IWS1: variants seen among roughly 807,000 people sequenced by gnomAD.
IWS1 encodes interacts with SUPT6H, CTD assembly factor 1.
Under a neutral mutation model 86.7 loss-of-function variants are expected in IWS1, and 27 were observed. The ratio of observed to expected loss-of-function variants is 0.31; its 90% CI spans 0.23 to 0.43. The LOEUF (loss-of-function observed/expected upper bound fraction) is 0.43, where lower values mean the gene tolerates loss of function less well. Ranked by LOEUF, IWS1 falls within the 20% of genes least tolerant of loss-of-function variation. The probability of loss-of-function intolerance (pLI) is 1.00; values close to 1 mark genes in which losing one functional copy is unlikely to be tolerated. For synonymous variants in IWS1, 313 were observed against 335.1 expected, an observed-to-expected ratio of 0.93 and a Z score of 0.72; for missense variants, 827 against 1,000.8, an observed-to-expected ratio of 0.83 and a Z score of 2.34.
chr2:127,486,884 C>T (rs1689956993), intron 12 of IWS1, among the ~76,000 whole-genome samples: 1 of 152,198 alleles, frequency 6.6e-6, no homozygotes, highest in Non-Finnish European at 1.5e-5. Flanking sequence ...TCTTCCAAAG[C>T]CAACTTGCTC....
intron 2 of IWS1, among the ~76,000 whole-genome samples, chr2:127,512,354 G>C (rs1395772932): frequency 2.0e-5 from 3 of 152,124 alleles, no homozygotes; most frequent in African/African-American, 7.2e-5. Context: ...CCCCTCACTT[G>C]GTGCTCAAAT....
intron 9 of IWS1, 56 bp from the exon 10 acceptor site, chr2:127,492,144 C>G: frequency 9.4e-7 from 1 of 1,069,478 alleles, no homozygotes; most frequent in Non-Finnish European, 1.5e-6. Context: ...GGGGGTCTTG[C>G]TAGTCTATTC....
rs1690089888 is a variant in IWS1, at chr2:127,489,289, GAA to G, written c.2160-56_2160-55del. 7.7e-7 allele frequency: 1 copy of G among 1,304,896 alleles called. No homozygotes were observed. Among genetic ancestry groups the G allele is most frequent in the African/African-American group, 1.5e-5 (1 of 67,564 alleles). The allele number at this position is 1,304,896 out of a possible 1,614,324, so 80.8% of individuals were successfully genotyped here. A position where few individuals can be genotyped will look rare whatever the true frequency, so the allele number is the denominator to read the frequency against. On this transcript the variant is annotated intron_variant, in intron 11 of 13. Transcript: ENST00000295321. This position sits in a 1 kb window ranked among gnomAD's most constrained non-coding sequence, Gnocchi z 4.8. ...AGGAATATTAGAACCTAATAACTCAGAAAAAGAGCAAACTAAAAATCAAACTT... is the reference window on the plus strand; with the variant it reads ...AGGAATATTAGAACCTAATAACTCAGAAAGAGCAAACTAAAAATCAAACTT...
Position 127,499,371 on chromosome 2 carries a change from T to G in IWS1, c.1468-1134A>C, listed in dbSNP as rs1376460658. On this transcript the variant is annotated intron_variant, in intron 5 of 13. Transcript: ENST00000295321. This position sits in a 1 kb window ranked among gnomAD's most constrained non-coding sequence, Gnocchi z 4.0. ...TCCCAAAGTGCTGGGATTACAGGCG[T>G]GAGCCACCGCGCCCGGCCAATTTTT... Among the ~76,000 whole-genome samples, 1 of 152,200 alleles carries G rather than the reference T, an allele frequency of 6.6e-6. No homozygotes were observed. Among genetic ancestry groups the G allele is most frequent in the Admixed American group, 6.5e-5 (1 of 15,282 alleles).
Position 127,523,699 on chromosome 2 carries a change from C to A in IWS1, c.127G>T (p.Gly43Ter). The stretch of plus-strand genomic sequence containing the variant: ...ACCTCTGAATGACGTTCTACACTTC[C>A]AGTGTCTGATCCGGAGTGTTGCTCA... The part of the protein sequence containing the change: ...VNEQHSGSDT[G>*]SVERHSENET... The change falls in exon 2 of 14, where the codon GGA (glycine) becomes TGA (stop). Residue 43 changes from glycine (G) to a stop codon, truncating the protein, a stop_gained. Coordinates refer to ENST00000295321, the MANE Select transcript of IWS1 (RefSeq NM_017969.3). LOFTEE classifies it high-confidence loss of function. 1.2e-6 allele frequency: 2 copies of A among 1,612,910 alleles called. No homozygotes were observed. The highest frequency in any genetic ancestry group is 1.7e-6 in the Non-Finnish European group (2 of 1,179,226).
intron 3 of IWS1, among the ~76,000 whole-genome samples, chr2:127,504,151 T>G (rs192076000): frequency 7.0e-4 from 107 of 152,360 alleles, no homozygotes; most frequent in African/African-American, 2.5e-3. Flanking sequence ...TAATACTATC[T>G]GTGCAAATGG....
In IWS1 at chr2:127,496,060, A is replaced by G; in HGVS notation, c.1654T>C (p.Phe552Leu). 1 of 1,614,028 alleles carries G rather than the reference A, an allele frequency of 6.2e-7. No homozygotes were observed. Among genetic ancestry groups the G allele is most frequent in the Non-Finnish European group, 8.5e-7 (1 of 1,179,990 alleles). ...KRRRNRDGGT[F>L]ISDADDVVSA... Reference sequence around the variant, plus strand: ...ACGACGTCGTCTGCATCACTAATAAAGGTGCCACCATCGCGGTTCCGTCTG... The same window carrying G: ...ACGACGTCGTCTGCATCACTAATAAGGGTGCCACCATCGCGGTTCCGTCTG... Residue 552 changes from phenylalanine (F) to leucine (L), a missense_variant, in exon 7 of 14, where the codon TTT (phenylalanine) becomes CTT (leucine). By Grantham distance (22) the Phe-to-Leu change is conservative (BLOSUM62 0). Coordinates refer to ENST00000295321, the MANE Select transcript of IWS1 (RefSeq NM_017969.3).
intron 2 of IWS1, among the ~76,000 whole-genome samples, chr2:127,519,369 T>A (rs1394647504): frequency 3.5e-5 from 5 of 142,242 alleles, no homozygotes; most frequent in East Asian, 4.2e-4. Flanking sequence ...GTTTTTTTTT[T>A]AATAACTAAA....
chr2:127,497,752 C>T (rs577134028), intron 6 of IWS1, among the ~76,000 whole-genome samples: 1 of 152,296 alleles, frequency 6.6e-6, no homozygotes, highest in African/African-American at 2.4e-5. Flanking sequence ...TTCCAACTAG[C>T]TCAACTAAAG....
intron 9 of IWS1, 144 bp from the exon 10 acceptor site, chr2:127,492,232 C>T (rs759006291): frequency 1.3e-5 from 8 of 611,602 alleles, no homozygotes; most frequent in Non-Finnish European, 2.1e-5. Flanking sequence ...CACAAAGATA[C>T]TTTGTGTCCA....
chr2:127,491,662 C>G (rs1022999446), intron 10 of IWS1, among the ~76,000 whole-genome samples: 4 of 152,150 alleles, frequency 2.6e-5, no homozygotes, highest in Admixed American at 1.3e-4. Context: ...CTAGGATGGT[C>G]TCGATCTCCT....
rs6430940 is a variant in IWS1 at position 127,483,576 on chromosome 2, C to T, written c.2329-2401G>A. 2.6e-4 allele frequency among the ~76,000 whole-genome samples: 9 copies of T among 34,432 alleles called. 2 individuals are homozygous for T. The highest frequency in any genetic ancestry group is 4.9e-4 in the African/African-American group (4 of 8,182). 22.6% of individuals were successfully genotyped at this position (34,432 alleles called of 152,430 possible). On this transcript the variant is annotated intron_variant, in intron 13 of 13. Coordinates refer to ENST00000295321, the MANE Select transcript of IWS1 (RefSeq NM_017969.3). ...AACCAAAATTATAATTTGGTCGGGGCGGGGGGTGGTGGGGTGGGGGGGTTG... is the reference window on the plus strand; with the variant it reads ...AACCAAAATTATAATTTGGTCGGGGTGGGGGGTGGTGGGGTGGGGGGGTTG...
chr2:127,525,642 T>C (rs1042322008), intron 1 of IWS1, among the ~76,000 whole-genome samples: 6 of 152,072 alleles, frequency 3.9e-5, no homozygotes, highest in African/African-American at 1.4e-4. Context: ...GAGACCAAAC[T>C]TCGGTGAGGA....
chr2:127,518,677 G>A (rs1037045301), intron 2 of IWS1, among the ~76,000 whole-genome samples: 38 of 149,084 alleles, frequency 2.5e-4, no homozygotes, highest in Non-Finnish European at 5.2e-4. Flanking sequence ...GTGATTCTCC[G>A]GCCTCAGCCT....
rs528763426 is a variant in IWS1 at position 127,508,082 on chromosome 2, G to T, written c.151-2330C>A. On this transcript the variant is annotated intron_variant, in intron 2 of 13. Transcript: ENST00000295321. The stretch of plus-strand genomic sequence containing the variant: ...ATTTTGGATAAGGGATACTCAACGT[G>T]TATTTGTTAAATGAGTAATAAAGGC... Among the ~76,000 whole-genome samples, 3 of 152,260 alleles carry T rather than the reference G, an allele frequency of 2.0e-5. No individual in the cohort carries two copies. In the South Asian group the frequency reaches 6.2e-4, roughly 32 times the overall value.
chr2:127,501,515 A>T (rs1250210226), intron 5 of IWS1, among the ~76,000 whole-genome samples: 1 of 151,852 alleles, frequency 6.6e-6, no homozygotes, highest in Non-Finnish European at 1.5e-5. Flanking sequence ...TATACATGTA[A>T]CTTTCCCTCT....
rs1162553728 is a variant in IWS1 at position 127,504,783 on chromosome 2, T to C, written c.1120A>G (p.Lys374Glu). 1.2e-6 allele frequency: 2 copies of C among 1,614,234 alleles called. No homozygotes were observed. Among genetic ancestry groups the C allele is most frequent in the Non-Finnish European group, 1.7e-6 (2 of 1,180,040 alleles). Residue 374 changes from lysine (K) to glutamate (E), a missense_variant, in exon 3 of 14, where the codon AAA becomes GAA. Around this residue, in one of 2 missense-constraint regions of IWS1, gnomAD observed 548 missense variants for 560.2 expected, o/e 0.98. Transcript: ENST00000295321. ...TTTTCATCTTCATCACTGTCCATTT[T>C]TTGCTTTTTGTGTTCTTCCTCCTCA... is the stretch of plus-strand genomic sequence containing the variant. ...DSEEEEHKKQ[K>E]MDSDEDEKEG...
rs1030041913 is a variant in IWS1 at position 127,489,056 on chromosome 2, T to C, written c.2216+123A>G. 28 of 679,318 alleles carry C rather than the reference T, an allele frequency of 4.1e-5. No homozygotes were observed. The African/African-American group carries it at 4.9e-4, about 12-fold the overall frequency. The allele number at this position is 679,318 out of a possible 1,614,324, so 42.1% of individuals were successfully genotyped here. A position where few individuals can be genotyped will look rare whatever the true frequency, so the allele number is the denominator to read the frequency against. ...TACAATGCTTTGTAGATACTAAACG[T>C]TAAAATGAAAGTCACCTCCCACAAA... On this transcript the variant is annotated intron_variant, in intron 12 of 13. Coordinates refer to ENST00000295321, the MANE Select transcript of IWS1 (RefSeq NM_017969.3). The surrounding 1 kb of genome is among the most constrained non-coding windows in gnomAD (Gnocchi z 4.8).
chr2:127,503,308 A>T, intron 4 of IWS1, 79 bp downstream of exon 4: 1 of 1,019,936 alleles, frequency 9.8e-7, no homozygotes, highest in Non-Finnish European at 1.5e-6. Flanking sequence ...ATTAGGCAGG[A>T]CATATTGTAT....
Sources: gnomAD v4.1 joint callset for allele counts (sites outside exome capture counted in the v4.1 genomes callset) on GRCh38, gnomAD v4.1.1 for gene constraint, gnomAD v4.1.1 regional missense constraint, Gnocchi (gnomAD v3.1) non-coding constraint, MANE v1.5 for transcripts, NCBI Gene and HGNC (gene_info 2026-07-23, HGNC 2026-07-21) for gene names.